Variants in B4GALT6 observed in about 807,000 individuals in gnomAD.
B4GALT6 encodes UDP-Gal:beta-GlcNAc beta-1,4-galactosyltransferase 6.
A neutral mutation model predicts 46.3 loss-of-function variants in B4GALT6; 14 were observed. That is an observed-to-expected ratio of 0.30 (90% CI 0.20 to 0.47). B4GALT6 has a LOEUF of 0.47. B4GALT6 is among the 20% of genes least tolerant of loss of function. The pLI, the probability that B4GALT6 is intolerant of heterozygous loss-of-function variation, is 0.99. For synonymous variants in B4GALT6, 168 were observed against 162.0 expected (o/e 1.04, Z -0.28); for missense variants, 386 against 480.1 (o/e 0.80, Z 1.83).
At position 31,632,178 on chromosome 18, in the gene B4GALT6, C is replaced by T. The variant is rs556114776; in HGVS notation, c.589-1032G>A. Among the ~76,000 whole-genome samples, 437 of 152,262 alleles carry T rather than the reference C, an allele frequency of 2.9e-3. 4 individuals carry two copies. Among genetic ancestry groups the T allele is most frequent in the Non-Finnish European group, 4.0e-3 (272 of 68,002 alleles). On this transcript the variant is annotated intron_variant, in intron 5 of 8. Transcript: ENST00000306851. ...TAAATGAGACACACATTGTAGTCAT[C>T]ATCAGAGCACTGCCTCAAGAGTGAA... is the stretch of plus-strand genomic sequence containing the variant.
chr18:31,652,357 C>G (rs2074081955), intron 3 of B4GALT6, among the ~76,000 whole-genome samples: 1 of 140,650 alleles, frequency 7.1e-6, no homozygotes, highest in East Asian at 2.2e-4. Flanking sequence ...CTCACTCTCC[C>G]TGCTGTCTGG....
intron 1 of B4GALT6, among the ~76,000 whole-genome samples, chr18:31,674,118 A>C (rs974911600): frequency 1.3e-5 from 2 of 152,232 alleles, no homozygotes; most frequent in Non-Finnish European, 1.5e-5. Flanking sequence ...TGATGTTTTA[A>C]GCCAACATGT....
At chr18:31,694,696 T>TTA in the B4GALT6 span, among the ~76,000 whole-genome samples, 1 of 152,234 alleles carries the variant, frequency 6.6e-6, no homozygotes, top group Non-Finnish European at 1.5e-5. Flanking sequence ...ATAAGTTGTC[T>TTA]TAAAATAACT....
the B4GALT6 span, among the ~76,000 whole-genome samples, chr18:31,700,721 G>T: frequency 6.6e-6 from 1 of 152,100 alleles, no homozygotes; most frequent in African/African-American, 2.4e-5. Flanking sequence ...CTCCCAAAGT[G>T]CTGGGATTGC....
the B4GALT6 span, among the ~76,000 whole-genome samples, chr18:31,709,553 ATGTGTGTGTGTGTGTGTGTGTG>A: frequency 3.5e-4 from 44 of 126,812 alleles, no homozygotes; most frequent in South Asian, 9.9e-3. Flanking sequence ...TAGGATATAT[ATGTGTGTGTGTGTGTGTGTGTG>A]TGTGTGTGTG....
chr18:31,634,632 T>C (rs559429965), intron 5 of B4GALT6, among the ~76,000 whole-genome samples: 38 of 152,344 alleles, frequency 2.5e-4, no homozygotes, highest in African/African-American at 9.1e-4. Context: ...ACTCTCATTT[T>C]AGGAGTTTGG....
intron 5 of B4GALT6, among the ~76,000 whole-genome samples, chr18:31,638,088 T>A (rs2073883337): frequency 6.6e-6 from 1 of 152,146 alleles, no homozygotes; most frequent in Admixed American, 6.5e-5. Context: ...AGATTGACAA[T>A]CCTATATTTA....
rs371819419 is a variant in B4GALT6 at position 31,668,872 on chromosome 18, G to A, written c.116-2500C>T. Among the ~76,000 whole-genome samples the A allele has an allele frequency of 1.2e-4, 18 of 151,566 alleles. No individual in the cohort carries two copies. In the East Asian group the frequency reaches 2.5e-3, roughly 21 times the overall value. The stretch of plus-strand genomic sequence containing the variant: ...CAAAAAAAAAAAAAACTAGCCAGGC[G>A]TGGTGGCGCACGCCTGTAACCCCAG... On this transcript the variant is annotated intron_variant, in intron 1 of 8. Transcript: ENST00000306851.
At chr18:31,644,973 C>T (rs976817757) in intron 4 of B4GALT6, among the ~76,000 whole-genome samples, 4 of 152,218 alleles carry the variant, frequency 2.6e-5, no homozygotes, top group Admixed American at 2.6e-4. Flanking sequence ...AATTCAGAAA[C>T]TGGTGAGGCT....
intron 5 of B4GALT6, among the ~76,000 whole-genome samples, chr18:31,633,640 T>C (rs1307697390): frequency 6.6e-6 from 1 of 152,186 alleles, no homozygotes; most frequent in Non-Finnish European, 1.5e-5. Context: ...CCCCAGAATG[T>C]TCCTCAGCCG....
chr18:31,658,418 G>C (rs1004189750), intron 2 of B4GALT6: 2 of 198,304 alleles, frequency 1.0e-5, no homozygotes, highest in South Asian at 1.3e-4. Context: ...GTACACCAGG[G>C]AATCCCCTCC....
At chr18:31,661,629 G>T (rs2074218523) in intron 2 of B4GALT6, among the ~76,000 whole-genome samples, 1 of 152,010 alleles carries the variant, frequency 6.6e-6, no homozygotes, top group Admixed American at 6.6e-5. Context: ...ATATAGAGAT[G>T]ATAATTTTTC....
At position 31,625,417 on chromosome 18, in the gene B4GALT6, G is replaced by A; in HGVS notation, c.*197C>T. ...TCCCGTTTCTGCGGTGCTCGCCACA[G>A]GGGTGTGTCTCAGAGCAGGGAGGAC... On this transcript the variant is annotated 3_prime_UTR_variant, in exon 9 of 9. Transcript: ENST00000306851. 1.9e-6 allele frequency: 1 copy of A among 521,714 alleles called. No homozygotes were observed. Among genetic ancestry groups the A allele is most frequent in the South Asian group, 3.3e-5 (1 of 30,272 alleles). 32.3% of individuals were successfully genotyped at this position (521,714 alleles called of 1,614,324 possible).
At chr18:31,676,787 A>G (rs2074419751) in intron 1 of B4GALT6, among the ~76,000 whole-genome samples, 1 of 152,226 alleles carries the variant, frequency 6.6e-6, no homozygotes, top group South Asian at 2.1e-4. Flanking sequence ...CCCAGTGTGC[A>G]GAAACATCTG....
upstream of B4GALT6, chr18:31,684,863 C>G (rs2074527245): frequency 2.5e-6 from 2 of 787,766 alleles, no homozygotes; most frequent in Non-Finnish European, 3.1e-6. Context: ...CCGCTGCCCG[C>G]GCCCGGCGGG....
the B4GALT6 span, among the ~76,000 whole-genome samples, chr18:31,721,146 G>T: frequency 1.4e-5 from 2 of 141,992 alleles, no homozygotes; most frequent in Non-Finnish European, 3.1e-5. Context: ...GAGTCCTTCA[G>T]AAAGTCTTTG....
chr18:31,703,671 AG>A, the B4GALT6 span, among the ~76,000 whole-genome samples: 1 of 152,268 alleles, frequency 6.6e-6, no homozygotes, highest in African/African-American at 2.4e-5. Flanking sequence ...AGGTTAAGCC[AG>A]TATTAGGAAA....
At chr18:31,669,552 C>A (rs1791175) in intron 1 of B4GALT6, among the ~76,000 whole-genome samples, 101,091 of 151,986 alleles carry the variant, frequency 0.67, 33,782 homozygotes, top group South Asian at 0.79. Context: ...TTAATTTTTT[C>A]ATAATGAAAG....
intron 5 of B4GALT6, among the ~76,000 whole-genome samples, chr18:31,637,012 G>C (rs1206487905): frequency 6.6e-6 from 1 of 151,800 alleles, no homozygotes; most frequent in Non-Finnish European, 1.5e-5. Flanking sequence ...GTAGAGACGA[G>C]GTTTCACCAT....
Sources: allele counts gnomAD v4.1 joint callset (sites outside exome capture counted in the v4.1 genomes callset), GRCh38; gene constraint gnomAD v4.1.1; transcripts MANE v1.5; gene names NCBI Gene and HGNC (gene_info 2026-07-23, HGNC 2026-07-21).